Variants in CAPZB observed in about 807,000 individuals in gnomAD.
CAPZB encodes the protein F-actin-capping protein subunit beta.
In CAPZB, 2 loss-of-function variants were observed where a neutral mutation model predicts 38.1. That is an observed-to-expected ratio of 0.05 (90% CI 0.02 to 0.17). The LOEUF is 0.17. Ranked by LOEUF, CAPZB falls within the 10% of genes least tolerant of loss-of-function variation. The pLI, the probability that CAPZB is intolerant of heterozygous loss-of-function variation, is 1.00. For missense variants in CAPZB, 161 were observed against 334.2 expected (o/e 0.48, Z 4.04); for synonymous variants, 107 against 127.4 (o/e 0.84, Z 1.08).
At chr1:19,359,208 CTCTT>C (rs1310187930) in intron 4 of CAPZB, among the ~76,000 whole-genome samples, 6 of 94,528 alleles carry the variant, frequency 6.3e-5, no homozygotes, top group East Asian at 3.1e-4. Flanking sequence ...ATTCTCTGTA[CTCTT>C]TTTTTTTTTT....
chr1:19,344,509 G>T (rs2093950178), intron 7 of CAPZB, 75 bp from the exon 8 acceptor site: 4 of 1,142,170 alleles, frequency 3.5e-6, no homozygotes, highest in East Asian at 2.3e-5. Context: ...CCACCTGCCA[G>T]CCCTGCAGTC....
At chr1:19,369,945 C>CA (rs2094111220) in intron 4 of CAPZB, among the ~76,000 whole-genome samples, 1 of 152,228 alleles carries the variant, frequency 6.6e-6, no homozygotes, top group South Asian at 2.1e-4. Flanking sequence ...GCAAAGGAAG[C>CA]AGCCCTCCAC....
chr1:19,440,331 C>T (rs947134394), intron 1 of CAPZB, among the ~76,000 whole-genome samples: 1 of 152,046 alleles, frequency 6.6e-6, no homozygotes, highest in African/African-American at 2.4e-5. Flanking sequence ...AGCCATGCAC[C>T]CGGCCCATAA....
chr1:19,477,258 C>A (rs1245807786), intron 1 of CAPZB, among the ~76,000 whole-genome samples: 1 of 152,234 alleles, frequency 6.6e-6, no homozygotes, highest in Non-Finnish European at 1.5e-5. Context: ...TGCTTAACCA[C>A]ACCCCAGCCC....
chr1:19,445,296 C>T (rs1235686753), intron 1 of CAPZB, among the ~76,000 whole-genome samples: 1 of 151,464 alleles, frequency 6.6e-6, no homozygotes, highest in Non-Finnish European at 1.5e-5. Context: ...AAAATGTGCT[C>T]AGAAGACTCG....
intron 4 of CAPZB, among the ~76,000 whole-genome samples, chr1:19,376,553 G>C (rs2094145587): frequency 6.6e-6 from 1 of 152,224 alleles, no homozygotes; most frequent in Non-Finnish European, 1.5e-5. Flanking sequence ...CTGCCTCAGA[G>C]ACCCTGGCAC....
chr1:19,455,791 A>G (rs934766208), intron 1 of CAPZB, among the ~76,000 whole-genome samples: 4 of 152,212 alleles, frequency 2.6e-5, no homozygotes, highest in African/African-American at 9.7e-5. Flanking sequence ...ATCCAGTACC[A>G]CAGGCTACAA....
At chr1:19,436,172 A>G (rs1447702903) in intron 1 of CAPZB, among the ~76,000 whole-genome samples, 2 of 152,214 alleles carry the variant, frequency 1.3e-5, no homozygotes, top group East Asian at 1.9e-4. Flanking sequence ...AAAATTCCAC[A>G]AACAATTTGG....
intron 4 of CAPZB, among the ~76,000 whole-genome samples, chr1:19,358,932 G>T (rs112890210): frequency 0.025 from 3,872 of 152,264 alleles, 81 homozygotes; most frequent in Middle Eastern, 0.078. Flanking sequence ...GCTCTAGCAC[G>T]CCCAGCTATG....
chr1:19,461,100 G>A (rs866045076), intron 1 of CAPZB, among the ~76,000 whole-genome samples: 1 of 151,408 alleles, frequency 6.6e-6, no homozygotes, highest in African/African-American at 2.4e-5. Flanking sequence ...CGGGGGCGGG[G>A]GGGGGAGGGG....
At chr1:19,430,731 C>T (rs923616229) in intron 1 of CAPZB, among the ~76,000 whole-genome samples, 4 of 152,164 alleles carry the variant, frequency 2.6e-5, no homozygotes, top group Admixed American at 6.6e-5. Flanking sequence ...CGCACCTGCA[C>T]CCGCACCTCA....
At chr1:19,436,208 C>T (rs1014021967) in intron 1 of CAPZB, among the ~76,000 whole-genome samples, 5 of 152,294 alleles carry the variant, frequency 3.3e-5, no homozygotes, top group East Asian at 3.9e-4. Context: ...CGCCGTTCTG[C>T]GTGATGAAAT....
At chr1:19,360,970 C>T (rs998676049) in intron 4 of CAPZB, among the ~76,000 whole-genome samples, 1 of 152,158 alleles carries the variant, frequency 6.6e-6, no homozygotes, top group African/African-American at 2.4e-5. Flanking sequence ...ATCAACTTAT[C>T]CCATAAATCT....
chr1:19,435,577 A>T (rs1015737532), intron 1 of CAPZB, among the ~76,000 whole-genome samples: 2 of 152,256 alleles, frequency 1.3e-5, no homozygotes, highest in African/African-American at 2.4e-5. Context: ...CTATAATAGT[A>T]ATAGCTAAAA....
chr1:19,479,858 A>C (rs529600132), intron 1 of CAPZB, among the ~76,000 whole-genome samples: 2 of 152,200 alleles, frequency 1.3e-5, no homozygotes, highest in East Asian at 1.9e-4. Flanking sequence ...GGCACTCCAC[A>C]ACTCACTCCT....
intron 4 of CAPZB, among the ~76,000 whole-genome samples, chr1:19,373,673 ATTTT>A (rs144023012): frequency 0.022 from 3,326 of 150,850 alleles, 58 homozygotes; most frequent in South Asian, 0.059. Flanking sequence ...CCTTTCACAT[ATTTT>A]TTATTTTTTA....
At chr1:19,385,469 T>C (rs780335709) in intron 3 of CAPZB, 36 bp downstream of exon 3, 15 of 1,610,838 alleles carry the variant, frequency 9.3e-6, no homozygotes, top group Non-Finnish European at 1.3e-5. Flanking sequence ...CGCGTGTGCC[T>C]GCTGTGCCTG....
intron 4 of CAPZB, among the ~76,000 whole-genome samples, chr1:19,363,867 C>A (rs1008997358): frequency 2.6e-5 from 4 of 152,172 alleles, no homozygotes; most frequent in African/African-American, 9.7e-5. Flanking sequence ...CAAAGGCTCC[C>A]AACAGATAAT....
intron 6 of CAPZB, among the ~76,000 whole-genome samples, chr1:19,354,928 G>A (rs1438689738): frequency 6.6e-6 from 1 of 152,178 alleles, no homozygotes; most frequent in African/African-American, 2.4e-5. Context: ...CTGGAAGATA[G>A]GAGTCCACTT....
Sources: allele counts gnomAD v4.1 joint callset (sites outside exome capture counted in the v4.1 genomes callset), GRCh38; gene constraint gnomAD v4.1.1; transcripts MANE v1.5; gene names NCBI Gene and HGNC (gene_info 2026-07-23, HGNC 2026-07-21).